The following EGFLAM variants were observed in gnomAD, a reference collection of about 807,000 sequenced individuals.
EGFLAM encodes EGF like, fibronectin type III and laminin G domains.
A neutral mutation model predicts 113.1 loss-of-function variants in EGFLAM; 79 were observed. The ratio of observed to expected loss-of-function variants is 0.70; its 90% CI spans 0.58 to 0.84. The LOEUF is 0.84. Ranked by LOEUF, EGFLAM falls within the 40% of genes least tolerant of loss-of-function variation. The probability of loss-of-function intolerance (pLI) is 0.00; values close to 1 mark genes in which losing one functional copy is unlikely to be tolerated. For synonymous variants in EGFLAM, 504 were observed against 487.6 expected, an observed-to-expected ratio of 1.03 and a Z score of -0.44; for missense variants, 1,265 against 1,291.6, an observed-to-expected ratio of 0.98 and a Z score of 0.32.
intron 1 of EGFLAM, among the ~76,000 whole-genome samples, chr5:38,316,404 A>G (rs1386670365): frequency 6.6e-6 from 1 of 152,146 alleles, no homozygotes; most frequent in Non-Finnish European, 1.5e-5. Context: ...GTCCTGGCTC[A>G]TGGTCTGTCT....
At chr5:38,384,368 C>A (rs1740600262) in intron 6 of EGFLAM, among the ~76,000 whole-genome samples, 1 of 152,160 alleles carries the variant, frequency 6.6e-6, no homozygotes, top group South Asian at 2.1e-4. Flanking sequence ...GTCCTCTTCT[C>A]TGTTGCAGAG....
At chr5:38,394,548 T>C (rs956678372) in intron 6 of EGFLAM, among the ~76,000 whole-genome samples, 3 of 151,644 alleles carry the variant, frequency 2.0e-5, no homozygotes, top group African/African-American at 7.3e-5. Flanking sequence ...TAGCTGGGAC[T>C]ACAGGCACCC....
At chr5:38,300,228 T>A (rs1758542742) in intron 1 of EGFLAM, among the ~76,000 whole-genome samples, 2 of 152,154 alleles carry the variant, frequency 1.3e-5, no homozygotes, top group African/African-American at 4.8e-5. Context: ...CATAAAGGCC[T>A]GGGTGGCTGC....
At chr5:38,293,574 C>T (rs74821424) in intron 1 of EGFLAM, among the ~76,000 whole-genome samples, 126 of 152,164 alleles carry the variant, frequency 8.3e-4, no homozygotes, top group African/African-American at 2.9e-3. Context: ...ATATTTTTTC[C>T]TTAGCTGTTT....
intron 1 of EGFLAM, among the ~76,000 whole-genome samples, chr5:38,304,049 A>T (rs934174969): frequency 9.9e-5 from 15 of 151,884 alleles, no homozygotes; most frequent in Non-Finnish European, 2.2e-4. Flanking sequence ...GAATCGCTTG[A>T]ACCTGGGAGG....
intron 6 of EGFLAM, among the ~76,000 whole-genome samples, chr5:38,377,573 T>A (rs1270854820): frequency 6.6e-6 from 1 of 152,234 alleles, no homozygotes; most frequent in Non-Finnish European, 1.5e-5. Flanking sequence ...GATAACTCCC[T>A]ACTGCTACTG....
At chr5:38,331,551 GA>G (rs1739042920) in intron 1 of EGFLAM, among the ~76,000 whole-genome samples, 1 of 152,094 alleles carries the variant, frequency 6.6e-6, no homozygotes, top group African/African-American at 2.4e-5. Flanking sequence ...CCTCGATGTG[GA>G]AACTTTGAGG....
intron 1 of EGFLAM, among the ~76,000 whole-genome samples, chr5:38,301,625 G>C (rs1044373791): frequency 2.0e-5 from 3 of 152,092 alleles, no homozygotes; most frequent in African/African-American, 4.8e-5. Flanking sequence ...TATAGTTCAG[G>C]TTCTTTAAAT....
chr5:38,340,859 GGTGGGGGGTGGGGA>G (rs1419979397), intron 3 of EGFLAM, among the ~76,000 whole-genome samples: 1 of 60,958 alleles, frequency 1.6e-5, no homozygotes, highest in African/African-American at 1.1e-4. Flanking sequence ...GGGGGTGGGG[GGTGGGGGGTGGGGA>G]GAGTTGCAGA....
At chr5:38,422,946 A>T (rs776024018) in intron 12 of EGFLAM, among the ~76,000 whole-genome samples, 7 of 152,170 alleles carry the variant, frequency 4.6e-5, no homozygotes, top group Non-Finnish European at 1.0e-4. Flanking sequence ...TCCAGCTCAC[A>T]CAGGTGCCAT....
chr5:38,302,342 G>A (rs181786842), intron 1 of EGFLAM, among the ~76,000 whole-genome samples: 2 of 151,998 alleles, frequency 1.3e-5, no homozygotes, highest in African/African-American at 2.4e-5. Flanking sequence ...CAAACATGGC[G>A]TAGACGTGGG....
At chr5:38,411,359 C>T (rs564296978) in intron 10 of EGFLAM, among the ~76,000 whole-genome samples, 14 of 151,736 alleles carry the variant, frequency 9.2e-5, no homozygotes, top group Non-Finnish European at 1.9e-4. Context: ...ACCTGGGAGG[C>T]GGAGGTTGCA....
chr5:38,404,220 C>T (rs1018373220), intron 6 of EGFLAM, among the ~76,000 whole-genome samples: 3 of 152,142 alleles, frequency 2.0e-5, no homozygotes, highest in Non-Finnish European at 2.9e-5. Flanking sequence ...GTGCTATGGT[C>T]GGAATGTTTA....
At chr5:38,459,000 A>C (rs548714990) in intron 20 of EGFLAM, among the ~76,000 whole-genome samples, 2 of 151,170 alleles carry the variant, frequency 1.3e-5, no homozygotes, top group African/African-American at 2.4e-5. Context: ...TTCAAATCTC[A>C]TTGTACAGGC....
At chr5:38,272,378 T>C (rs1272403459) in intron 1 of EGFLAM, among the ~76,000 whole-genome samples, 1 of 152,178 alleles carries the variant, frequency 6.6e-6, no homozygotes, top group Non-Finnish European at 1.5e-5. Context: ...CCCATTTGTC[T>C]TTAAAACCAA....
At position 38,433,675 on chromosome 5, in the gene EGFLAM, C is replaced by T. The variant is rs141532142; in HGVS notation, c.2167-1462C>T. On this transcript the variant is annotated intron_variant, in intron 15 of 21. Coordinates refer to ENST00000322350, the MANE Select transcript of EGFLAM (RefSeq NM_152403.4). ...GCCAGCTGCTCTGAAACCTCCTTGA[C>T]CCTGCATCCTTCCTCCTTTCCTCTT... 2.8e-3 allele frequency among the ~76,000 whole-genome samples: 430 copies of T among 152,284 alleles called. 2 individuals are homozygous for T. Among genetic ancestry groups the T allele is most frequent in the Non-Finnish European group, 5.0e-3 (338 of 68,020 alleles).
At chr5:38,451,850 G>C (rs1386267721) in intron 19 of EGFLAM, among the ~76,000 whole-genome samples, 1 of 151,880 alleles carries the variant, frequency 6.6e-6, no homozygotes, top group African/African-American at 2.4e-5. Flanking sequence ...AAATTAGCCG[G>C]GTGTGGTGGC....
chr5:38,315,543 T>G (rs1376421935), intron 1 of EGFLAM, among the ~76,000 whole-genome samples: 2 of 152,192 alleles, frequency 1.3e-5, no homozygotes, highest in African/African-American at 4.8e-5. Flanking sequence ...TGCTCCCAAC[T>G]GAACAGACCT....
rs572715479 is a variant in EGFLAM, at chr5:38,452,425, G to C, written c.2687+967G>C. Among the ~76,000 whole-genome samples the C allele has an allele frequency of 3.9e-5, 6 of 152,308 alleles. No homozygotes were observed. The East Asian group carries it at 1.2e-3, about 29-fold the overall frequency. On this transcript the variant is annotated intron_variant, in intron 19 of 21. Coordinates refer to ENST00000322350, the MANE Select transcript of EGFLAM (RefSeq NM_152403.4). ...ATAGGAACTGCATGGCAGAGCCTTAGGAATTGACCGTCTAGCCCTGTGAGG... is the reference window on the plus strand; with the variant it reads ...ATAGGAACTGCATGGCAGAGCCTTACGAATTGACCGTCTAGCCCTGTGAGG...
Sources: allele counts gnomAD v4.1 joint callset (sites outside exome capture counted in the v4.1 genomes callset), GRCh38; gene constraint gnomAD v4.1.1; transcripts MANE v1.5; gene names NCBI Gene and HGNC (gene_info 2026-07-23, HGNC 2026-07-21).